The following RP1 variants were observed in gnomAD, a reference collection of about 807,000 sequenced individuals.
RP1 encodes oxygen-regulated protein 1.
Under a neutral mutation model 14.8 loss-of-function variants are expected in RP1, and 16 were observed. The observed-to-expected ratio is 1.08, with a 90% CI of 0.73 to 1.65. RP1 has a LOEUF of 1.65. Among genes scored for constraint, RP1 ranks in the 40% most tolerant of loss-of-function variants. The probability of loss-of-function intolerance (pLI) is 0.00; values close to 1 mark genes in which losing one functional copy is unlikely to be tolerated. For missense variants in RP1, 2,631 were observed against 2,535.0 expected, an observed-to-expected ratio of 1.04 and a Z score of -0.81; for synonymous variants, 876 against 883.6, an observed-to-expected ratio of 0.99 and a Z score of 0.15.
intron 1 of RP1, among the ~76,000 whole-genome samples, chr8:54,583,428 T>C (rs866163341): frequency 3.3e-5 from 5 of 152,158 alleles, no homozygotes; most frequent in Middle Eastern, 3.2e-3. Context: ...ATTTTTGCAT[T>C]GATGTTCATC....
At chr8:54,563,214 C>T (rs1804325222) in intron 1 of RP1, among the ~76,000 whole-genome samples, 1 of 152,208 alleles carries the variant, frequency 6.6e-6, no homozygotes, top group Non-Finnish European at 1.5e-5. Flanking sequence ...TGGTGGCTTC[C>T]TAAGGAGATC....
At chr8:54,618,662 TA>T (rs1319890444) in intron 1 of RP1, among the ~76,000 whole-genome samples, 1 of 152,220 alleles carries the variant, frequency 6.6e-6, no homozygotes, top group East Asian at 1.9e-4. Context: ...TTTTTTATTT[TA>T]TTTTTTTCTT....
intron 1 of RP1, among the ~76,000 whole-genome samples, chr8:54,570,051 G>A (rs79101113): frequency 2.2e-3 from 340 of 152,194 alleles, no homozygotes; most frequent in African/African-American, 7.8e-3. Flanking sequence ...GCTACATCAC[G>A]AGCCCTGTCC....
At chr8:54,794,842 G>A (rs1302165613) in intron 24 of RP1, among the ~76,000 whole-genome samples, 2 of 151,992 alleles carry the variant, frequency 1.3e-5, no homozygotes, top group East Asian at 3.8e-4. Context: ...CCAAATATCT[G>A]ATAAGGGATT....
intron 27 of RP1, among the ~76,000 whole-genome samples, chr8:54,859,912 T>C (rs1812301205): frequency 6.6e-6 from 1 of 152,150 alleles, no homozygotes. Context: ...CAGACTCTTG[T>C]TTTAAAAAAT....
At chr8:54,790,196 C>G (rs945992565) in intron 24 of RP1, among the ~76,000 whole-genome samples, 7 of 152,160 alleles carry the variant, frequency 4.6e-5, no homozygotes, top group African/African-American at 1.7e-4. Flanking sequence ...CTACTGGTTG[C>G]AGAGACCACC....
chr8:54,867,747 C>G (rs1401147891), intron 28 of RP1, among the ~76,000 whole-genome samples: 1 of 152,156 alleles, frequency 6.6e-6, no homozygotes, highest in Non-Finnish European at 1.5e-5. Flanking sequence ...ATTTAGAACT[C>G]TCAAATAATT....
intron 20 of RP1, among the ~76,000 whole-genome samples, chr8:54,755,164 A>G (rs1381138963): frequency 2.0e-5 from 3 of 152,202 alleles, no homozygotes; most frequent in African/African-American, 7.2e-5. Context: ...ACAAAGGCTG[A>G]GGCTGTGAGA....
intron 24 of RP1, among the ~76,000 whole-genome samples, chr8:54,809,693 A>T (rs568113029): frequency 3.3e-5 from 5 of 152,348 alleles, no homozygotes; most frequent in African/African-American, 1.2e-4. Context: ...CGCTCCTAGA[A>T]CAACTTTTTG....
At chr8:54,846,534 C>A (rs1237223054) in intron 25 of RP1, among the ~76,000 whole-genome samples, 1 of 152,152 alleles carries the variant, frequency 6.6e-6, no homozygotes, top group East Asian at 1.9e-4. Context: ...AAATTTACTG[C>A]ATGTAAATTA....
chr8:54,734,732 G>A, exon 18 of RP1: 1 of 1,531,178 alleles, frequency 6.5e-7, no homozygotes, highest in Non-Finnish European at 8.7e-7. Context: ...CAGGACACGA[G>A]GATGAGTTTC....
rs947510547 is a variant in RP1 at position 54,627,122 on chromosome 8, A to G, written c.3240A>G (p.Lys1080=). ...QVDPIEEETP[K]DLLPVLMLHQ... is the part of the protein sequence containing the mutation. ...ATCCTATAGAAGAGGAAACTCCAAA[A>G]GACCTCTTACCAGTCCTGATGCTTC... is the stretch of plus-strand genomic sequence containing the variant. The change falls in exon 4 of 4, where the codon AAA becomes AAG. Residue 1080 remains lysine (K), a synonymous_variant. Coordinates refer to ENST00000220676, the MANE Select transcript of RP1 (RefSeq NM_006269.2). 2 of 1,613,966 alleles carry G rather than the reference A, an allele frequency of 1.2e-6. No homozygotes were observed. Among genetic ancestry groups the G allele is most frequent in the African/African-American group, 2.7e-5 (2 of 74,934 alleles).
intron 1 of RP1, among the ~76,000 whole-genome samples, chr8:54,606,299 T>C (rs1417230171): frequency 1.3e-5 from 2 of 152,204 alleles, no homozygotes; most frequent in Non-Finnish European, 2.9e-5. Context: ...CCTTCACTTA[T>C]GAAGCTTAGT....
At chr8:54,577,957 T>A (rs1804697109) in intron 1 of RP1, among the ~76,000 whole-genome samples, 1 of 149,322 alleles carries the variant, frequency 6.7e-6, no homozygotes. Context: ...CTTTTTTTTT[T>A]ATTATTATAT....
At chr8:54,710,604 A>G (rs117667997) in intron 15 of RP1, among the ~76,000 whole-genome samples, 2,859 of 152,324 alleles carry the variant, frequency 0.019, 37 homozygotes, top group South Asian at 0.036. Context: ...TCACATGGAC[A>G]AATTGAAGGA....
rs145876489 is a variant in RP1, at chr8:54,741,287, A to G, written c.2808+2258A>G. Among the ~76,000 whole-genome samples the G allele has an allele frequency of 2.7e-3, 405 of 152,270 alleles. 2 individuals are homozygous for G. Among genetic ancestry groups the G allele is most frequent in the African/African-American group, 9.3e-3 (386 of 41,538 alleles). On this transcript the variant is annotated intron_variant, in intron 19 of 22. Transcript: ENST00000636932. The stretch of plus-strand genomic sequence containing the variant: ...TCCTAGGCCTTCACATTCACTCACC[A>G]CTTACTCACTGACTCACCCAGAGCA...
exon 25 of RP1, chr8:54,837,590 C>T (rs549795304): frequency 8.1e-6 from 10 of 1,231,942 alleles, no homozygotes; most frequent in South Asian, 4.1e-5. Flanking sequence ...CTGTTGATTC[C>T]TGGATAGCTG....
chr8:54,643,076 T>C (rs974234801), intron 3 of RP1, among the ~76,000 whole-genome samples: 8 of 152,224 alleles, frequency 5.3e-5, no homozygotes, highest in African/African-American at 1.9e-4. Flanking sequence ...AGTTTTGTTT[T>C]ATTGATTGTA....
chr8:54,590,685 G>T (rs948119018), intron 1 of RP1, among the ~76,000 whole-genome samples: 3 of 151,998 alleles, frequency 2.0e-5, no homozygotes, highest in African/African-American at 4.8e-5. Flanking sequence ...CAGTTATGTA[G>T]TCCCTCCCCC....
Sources: allele counts gnomAD v4.1 joint callset (sites outside exome capture counted in the v4.1 genomes callset), GRCh38; gene constraint gnomAD v4.1.1; transcripts MANE v1.5; gene names NCBI Gene and HGNC (gene_info 2026-07-23, HGNC 2026-07-21).